MSR1: variants seen among roughly 807,000 people sequenced by gnomAD.
MSR1 encodes macrophage scavenger receptor 1, also known as macrophage scavenger receptor types I and II.
In MSR1, 53 loss-of-function variants were observed where a neutral mutation model predicts 47.2. The ratio of observed to expected loss-of-function variants is 1.12; its 90% CI spans 0.90 to 1.41. The LOEUF (loss-of-function observed/expected upper bound fraction) is 1.41. Ranked by LOEUF, MSR1 falls within the 40% of genes most tolerant of loss-of-function variation. The pLI, the probability that MSR1 is intolerant of heterozygous loss-of-function variation, is 0.00. For missense variants in MSR1, 786 were observed against 546.9 expected, an observed-to-expected ratio of 1.44 and a Z score of -4.36; for synonymous variants, 239 against 185.6, an observed-to-expected ratio of 1.29 and a Z score of -2.34.
chr8:16,122,265 T>G (rs1206162051), intron 8 of MSR1, among the ~76,000 whole-genome samples: 1 of 152,124 alleles, frequency 6.6e-6, no homozygotes, highest in African/African-American at 2.4e-5. Context: ...GGCCCAATCA[T>G]TTCCTGTAAT....
At chr8:16,171,791 T>A (rs943704619) in intron 3 of MSR1, among the ~76,000 whole-genome samples, 1 of 152,186 alleles carries the variant, frequency 6.6e-6, no homozygotes, top group Non-Finnish European at 1.5e-5. Flanking sequence ...GATTCTAGAA[T>A]AGAACTGCCT....
chr8:16,120,311 A>C (rs1276789730), intron 9 of MSR1, 107 bp downstream of exon 9: 1 of 1,151,692 alleles, frequency 8.7e-7, no homozygotes, highest in African/African-American at 1.5e-5. Flanking sequence ...CGGGAGGCAG[A>C]GGTTGCAGTG....
At chr8:16,179,577 C>T (rs955025904) in intron 1 of MSR1, among the ~76,000 whole-genome samples, 1 of 151,430 alleles carries the variant, frequency 6.6e-6, no homozygotes, top group Non-Finnish European at 1.5e-5. Flanking sequence ...TTTCCTGGAT[C>T]TTTTAAGAAA....
chr8:16,160,993 CA>C (rs1801144207), intron 5 of MSR1, among the ~76,000 whole-genome samples: 1 of 150,534 alleles, frequency 6.6e-6, no homozygotes, highest in Admixed American at 6.6e-5. Flanking sequence ...AGAGAGAAAC[CA>C]CACACATCCA....
In MSR1 at chr8:16,187,571, T is replaced by C. The variant is rs575852044; in HGVS notation, c.-5+5027A>G. Among the ~76,000 whole-genome samples the C allele has an allele frequency of 1.9e-3, 287 of 152,116 alleles. 1 individual carries two copies. The highest frequency in any genetic ancestry group is 6.4e-3 in the African/African-American group (264 of 41,504). On this transcript the variant is annotated intron_variant, in intron 1 of 9. Coordinates refer to ENST00000262101, the MANE Select transcript of MSR1 (RefSeq NM_138715.3). ...TCTCTCATCCAAGCCAGATCCATGA[T>C]GTGGACTTTTGATCTCTTTGGTTCA...
chr8:16,171,991 T>C (rs1288974901), intron 3 of MSR1, among the ~76,000 whole-genome samples: 3 of 152,136 alleles, frequency 2.0e-5, no homozygotes, highest in Non-Finnish European at 2.9e-5. Context: ...AAGTTTCAGG[T>C]TTTTGCTATG....
chr8:16,185,638 C>A (rs978282191), intron 1 of MSR1, among the ~76,000 whole-genome samples: 1 of 152,024 alleles, frequency 6.6e-6, no homozygotes, highest in African/African-American at 2.4e-5. Context: ...TCCTTTGATC[C>A]ATTCCTTCCA....
intron 6 of MSR1, among the ~76,000 whole-genome samples, chr8:16,152,384 A>G (rs1800884801): frequency 6.6e-6 from 1 of 152,122 alleles, no homozygotes; most frequent in Admixed American, 6.6e-5. Context: ...GGGCCAGGGT[A>G]AAGATATACG....
chr8:16,137,443 T>C (rs1800418811), intron 8 of MSR1, among the ~76,000 whole-genome samples: 1 of 151,970 alleles, frequency 6.6e-6, no homozygotes, highest in Non-Finnish European at 1.5e-5. Flanking sequence ...TCTCTCTCTC[T>C]ATCTATCTCT....
intron 4 of MSR1, 64 bp from the exon 5 acceptor site, chr8:16,164,315 C>T (rs894783804): frequency 2.8e-6 from 4 of 1,413,940 alleles, no homozygotes; most frequent in Non-Finnish European, 4.0e-6. Context: ...TATGAAAGTT[C>T]AAGAAACCCT....
At chr8:16,153,089 C>A (rs1029782788) in intron 6 of MSR1, among the ~76,000 whole-genome samples, 2 of 152,004 alleles carry the variant, frequency 1.3e-5, no homozygotes. Flanking sequence ...AGGACAACCA[C>A]TTAGGTTTTG....
At position 16,120,616 on chromosome 8, in the gene MSR1, T is replaced by TAAAAAAAAAAAAG. The variant is rs1799980943; in HGVS notation, c.1034-11_1034-10insCTTTTTTTTTTTT. The TAAAAAAAAAAAAG allele has an allele frequency of 1.1e-6, 1 of 926,974 alleles. No individual in the cohort carries two copies. Among genetic ancestry groups the TAAAAAAAAAAAAG allele is most frequent in the Non-Finnish European group, 1.4e-6 (1 of 737,470 alleles). 57.4% of individuals were successfully genotyped at this position (926,974 alleles called of 1,614,324 possible). ...ACTTTCGTAAATGGAGCTGTAAAGT[T>TAAAAAAAAAAAAG]AAAAAAAAAAAAAAAAAAAAAAAAA... On this transcript the variant is annotated splice_polypyrimidine_tract_variant and intron_variant, in intron 8 of 9. Coordinates refer to ENST00000262101, the MANE Select transcript of MSR1 (RefSeq NM_138715.3).
At chr8:16,133,520 GA>G (rs1800313805) in intron 8 of MSR1, among the ~76,000 whole-genome samples, 1 of 152,036 alleles carries the variant, frequency 6.6e-6, no homozygotes, top group African/African-American at 2.4e-5. Context: ...TAAAACTTTG[GA>G]TAACTTTCTC....
chr8:16,126,738 G>A (rs1458995434), intron 8 of MSR1, among the ~76,000 whole-genome samples: 4 of 152,102 alleles, frequency 2.6e-5, no homozygotes, highest in Non-Finnish European at 5.9e-5. Flanking sequence ...TGTATTTTTT[G>A]AAGAGACGGG....
At chr8:16,152,608 C>T (rs1224953212) in intron 6 of MSR1, among the ~76,000 whole-genome samples, 1 of 152,090 alleles carries the variant, frequency 6.6e-6, no homozygotes, top group Non-Finnish European at 1.5e-5. Context: ...CCCATGCCTA[C>T]AGGTCAAACT....
At position 16,168,338 on chromosome 8, in the gene MSR1, T is replaced by G. The variant is rs1032068244; in HGVS notation, c.630+120A>C. On this transcript the variant is annotated intron_variant, in intron 4 of 9. Coordinates refer to ENST00000262101, the MANE Select transcript of MSR1 (RefSeq NM_138715.3). The stretch of plus-strand genomic sequence containing the variant: ...AATCTGGATAAGTTAGCCATAGAAA[T>G]CAGGGTAAACAGGATGATGAAACAG... 16 of 936,032 alleles carry G rather than the reference T, an allele frequency of 1.7e-5. No homozygotes were observed. The Admixed American group carries it at 2.3e-4, about 14-fold the overall frequency. 58.0% of individuals were successfully genotyped at this position (936,032 alleles called of 1,614,324 possible). A position where few individuals can be genotyped will look rare whatever the true frequency, so the allele number is the denominator to read the frequency against.
intron 7 of MSR1, among the ~76,000 whole-genome samples, chr8:16,146,179 C>G (rs1800691932): frequency 6.6e-6 from 1 of 152,044 alleles, no homozygotes; most frequent in Admixed American, 6.6e-5. Flanking sequence ...CCGTTTCTTT[C>G]AAGCTACTTT....
At chr8:16,186,311 T>A in intron 1 of MSR1, 1 of 936,804 alleles carries the variant, frequency 1.1e-6, no homozygotes, top group Non-Finnish European at 1.6e-6. Flanking sequence ...TCTCTCCTAT[T>A]TTCACTCCCT....
intron 8 of MSR1, among the ~76,000 whole-genome samples, chr8:16,143,258 C>T (rs576535623): frequency 2.1e-4 from 32 of 152,042 alleles, no homozygotes; most frequent in Non-Finnish European, 4.6e-4. Flanking sequence ...CTTGATTTTC[C>T]CTTAGTGGAT....
Sources: gnomAD v4.1 joint callset for allele counts (sites outside exome capture counted in the v4.1 genomes callset) on GRCh38, gnomAD v4.1.1 for gene constraint, MANE v1.5 for transcripts, NCBI Gene and HGNC (gene_info 2026-07-23, HGNC 2026-07-21) for gene names.